ATP11C: variants seen among roughly 807,000 people sequenced by gnomAD.
The protein encoded by ATP11C is ATPase phospholipid transporting 11C (ATP11C blood group).
Under a neutral mutation model 97.4 loss-of-function variants are expected in ATP11C, and 36 were observed. That is an observed-to-expected ratio of 0.37 (90% CI 0.28 to 0.49). ATP11C has a LOEUF of 0.49. Ranked by LOEUF, ATP11C falls within the 20% of genes least tolerant of loss-of-function variation. The probability of loss-of-function intolerance (pLI) is 0.98; values close to 1 mark genes in which losing one functional copy is unlikely to be tolerated. For synonymous variants in ATP11C, 275 were observed against 290.9 expected, an observed-to-expected ratio of 0.95 and a Z score of 0.56; for missense variants, 730 against 824.6, an observed-to-expected ratio of 0.89 and a Z score of 1.40.
At chrX:139,803,027 C>T (rs772293033) in intron 6 of ATP11C, among the ~76,000 whole-genome samples, 3 of 111,739 alleles carry the variant, frequency 2.7e-5, no homozygotes, top group Non-Finnish European at 5.6e-5. Flanking sequence ...ACTCAAAGAG[C>T]GCACCACTTA....
At chrX:139,880,527 G>A (rs1280988718) in intron 1 of ATP11C, among the ~76,000 whole-genome samples, 2 of 111,169 alleles carry the variant, frequency 1.8e-5, no homozygotes, top group African/African-American at 6.5e-5. Context: ...GATGTAATCA[G>A]GCAAAACTTG....
At chrX:139,832,206 T>A in intron 1 of ATP11C, 2 of 1,208,706 alleles carry the variant, frequency 1.7e-6, no homozygotes, top group South Asian at 3.6e-5. Context: ...ATGCAGAAAT[T>A]TGGCAACACA....
chrX:139,786,494 G>T (rs762133933), intron 15 of ATP11C, among the ~76,000 whole-genome samples: 4,818 of 110,933 alleles, frequency 0.043, 119 homozygotes, highest in Non-Finnish European at 0.06. Context: ...TCTCCAAAAG[G>T]GTGCATTACC....
intron 2 of ATP11C, 115 bp downstream of exon 2, chrX:139,826,589 T>C (rs967148584): frequency 3.7e-5 from 20 of 546,210 alleles, no homozygotes; most frequent in Admixed American, 7.2e-5. Context: ...ATGATCCATA[T>C]ACATGCAAAT....
intron 1 of ATP11C, among the ~76,000 whole-genome samples, chrX:139,926,983 A>C (rs1181470358): frequency 8.9e-6 from 1 of 112,365 alleles, no homozygotes; most frequent in Non-Finnish European, 1.9e-5. Flanking sequence ...CTCCTTTTTA[A>C]CTGACATCCA....
At position 139,789,324 on chromosome X, in the gene ATP11C, C is replaced by T; in HGVS notation, c.1368+3G>A. On this transcript the variant is annotated splice_donor_region_variant and intron_variant, in intron 13 of 29. Transcript: ENST00000682941. ...CTTATATAAAACAATAATGCAAATG[C>T]ACCTTATCTACTTTGTCAAAATATG... 2.5e-6 allele frequency: 3 copies of T among 1,191,283 alleles called. No homozygotes were observed. The highest frequency in any genetic ancestry group is 3.4e-6 in the Non-Finnish European group (3 of 882,976).
chrX:139,897,400 T>C (rs777177219), intron 1 of ATP11C, among the ~76,000 whole-genome samples: 2 of 111,180 alleles, frequency 1.8e-5, no homozygotes, highest in East Asian at 5.7e-4. Flanking sequence ...AAAAGTGAAT[T>C]GGGCCGAGCG....
chrX:139,855,504 C>T lies in ATP11C; in HGVS notation c.28-28681G>A, dbSNP rs138626484. ...GTTCGTACAGCAAAAAAGGGATGGACTCATCATACCCGAGTCAAGAAAGCG... is the reference window on the plus strand; with the variant it reads ...GTTCGTACAGCAAAAAAGGGATGGATTCATCATACCCGAGTCAAGAAAGCG... On this transcript the variant is annotated intron_variant, in intron 1 of 29. Coordinates refer to ENST00000682941, the MANE Select transcript of ATP11C (RefSeq NM_001353812.2). 2.6e-3 allele frequency among the ~76,000 whole-genome samples: 285 copies of T among 111,530 alleles called. 2 individuals carry two copies. Among genetic ancestry groups the T allele is most frequent in the African/African-American group, 8.9e-3 (273 of 30,691 alleles).
At chrX:139,769,593 T>C (rs761670547) in intron 19 of ATP11C, among the ~76,000 whole-genome samples, 2 of 109,419 alleles carry the variant, frequency 1.8e-5, no homozygotes, top group Admixed American at 2.0e-4. Flanking sequence ...AAATATAGTG[T>C]AAAACTTACA....
chrX:139,742,287 T>A (rs2148629374), intron 26 of ATP11C, among the ~76,000 whole-genome samples: 1 of 111,976 alleles, frequency 8.9e-6, no homozygotes, highest in East Asian at 2.8e-4. Flanking sequence ...GGGTAGGTGC[T>A]ACTTCTATCT....
At chrX:139,769,317 T>G (rs1382829986) in intron 19 of ATP11C, among the ~76,000 whole-genome samples, 3 of 80,347 alleles carry the variant, frequency 3.7e-5, no homozygotes, top group Non-Finnish European at 4.7e-5. Context: ...TATATATATA[T>G]ATATATATAT....
At chrX:139,772,989 G>C (rs941638770) in intron 19 of ATP11C, among the ~76,000 whole-genome samples, 1 of 110,440 alleles carries the variant, frequency 9.1e-6, no homozygotes, top group Non-Finnish European at 1.9e-5. Context: ...ATTTGGTTGT[G>C]TCCCCACCCA....
intron 1 of ATP11C, among the ~76,000 whole-genome samples, chrX:139,886,713 A>G (rs1235183410): frequency 9.0e-6 from 1 of 111,351 alleles, no homozygotes; most frequent in East Asian, 2.8e-4. Flanking sequence ...GAGAGAAATC[A>G]AAGACTTCCT....
In ATP11C at chrX:139,802,324, G is replaced by A. The variant is rs140504622; in HGVS notation, c.571C>T (p.Arg191Cys). ...GCTGTACACAGTGCAATGGTATCAC[G>A]TACTGCATAATGTGTCTAGTTGAAA... ...ESNCKTHYAV[R>C]DTIALCTAES... is the part of the protein sequence containing the mutation. Residue 191 changes from arginine to cysteine, a missense_variant, in exon 7 of 30, where the codon CGT becomes TGT. Transcript: ENST00000682941. The A allele has an allele frequency of 1.4e-3, 1,662 of 1,192,549 alleles. 2 individuals carry two copies. The highest frequency in any genetic ancestry group is 1.7e-3 in the Non-Finnish European group (1,520 of 880,464).
chrX:139,901,137 C>T (rs949724473), intron 1 of ATP11C, among the ~76,000 whole-genome samples: 1 of 111,717 alleles, frequency 9.0e-6, no homozygotes, highest in African/African-American at 3.3e-5. Flanking sequence ...TGACCAATGG[C>T]CTAGCCATAC....
chrX:139,798,645 A>C (rs2082852384), intron 9 of ATP11C, 34 bp downstream of exon 9: 1 of 1,083,829 alleles, frequency 9.2e-7, no homozygotes. Flanking sequence ...TACAAAGCAT[A>C]TTTTTTGATA....
intron 26 of ATP11C, 57 bp from the exon 27 acceptor site, chrX:139,741,151 C>A: frequency 1.4e-6 from 1 of 725,931 alleles, no homozygotes; most frequent in Non-Finnish European, 2.2e-6. Context: ...CCAGGCAATA[C>A]GCTATAGTAT....
intron 1 of ATP11C, among the ~76,000 whole-genome samples, chrX:139,907,881 C>G (rs2085008578): frequency 9.0e-6 from 1 of 111,022 alleles, no homozygotes; most frequent in Admixed American, 9.7e-5. Flanking sequence ...ACCCTGTACC[C>G]TAACAACAGC....
intron 1 of ATP11C, among the ~76,000 whole-genome samples, chrX:139,904,600 T>G (rs939775104): frequency 8.9e-6 from 1 of 111,768 alleles, no homozygotes; most frequent in Non-Finnish European, 1.9e-5. Context: ...ACTAGTCTCG[T>G]AATTCATTAA....
Sources: allele counts gnomAD v4.1 joint callset (sites outside exome capture counted in the v4.1 genomes callset), GRCh38; gene constraint gnomAD v4.1.1; transcripts MANE v1.5; gene names NCBI Gene and HGNC (gene_info 2026-07-23, HGNC 2026-07-21).